Variants in BRIP1 observed in about 807,000 individuals in gnomAD.
BRIP1 encodes the protein BRCA1 interacting DNA helicase 1, also known as Fanconi anemia group J protein.
Under a neutral mutation model 119.7 loss-of-function variants are expected in BRIP1, and 88 were observed. The ratio of observed to expected loss-of-function variants is 0.74; its 90% CI spans 0.62 to 0.88. BRIP1 has a LOEUF of 0.88. Ranked by LOEUF, BRIP1 falls within the 40% of genes least tolerant of loss-of-function variation. The probability of loss-of-function intolerance (pLI) is 0.00; values close to 1 mark genes in which losing one functional copy is unlikely to be tolerated. For synonymous variants in BRIP1, 443 were observed against 496.5 expected, an observed-to-expected ratio of 0.89 and a Z score of 1.43; for missense variants, 1,259 against 1,455.4, an observed-to-expected ratio of 0.87 and a Z score of 2.20.
At chr17:61,737,098 G>A (rs2076929002) in intron 16 of BRIP1, among the ~76,000 whole-genome samples, 1 of 151,918 alleles carries the variant, frequency 6.6e-6, no homozygotes, top group Admixed American at 6.6e-5. Flanking sequence ...AAGGAAAGAA[G>A]GGAATCAAAA....
At chr17:61,718,437 T>G (rs775734928) in intron 16 of BRIP1, among the ~76,000 whole-genome samples, 1 of 152,216 alleles carries the variant, frequency 6.6e-6, no homozygotes, top group Non-Finnish European at 1.5e-5. Context: ...TTCCCAGACT[T>G]TGTAAGCACT....
At position 61,683,446 on chromosome 17, in the gene BRIP1, A is replaced by T. The variant is rs1441586932; in HGVS notation, c.3600T>A (p.His1200Gln). ...CIDTKLNGIL[H>Q]IEESKIDDID... ...TGTCATCAATTTTACTTTCTTCAAT[A>T]TGCAGAATTCCATTCAACTTTGTAT... is the stretch of plus-strand genomic sequence containing the variant. The change falls in exon 20 of 20, where the codon CAT becomes CAA. Residue 1200 changes from histidine (H) to glutamine (Q), a missense_variant. Around this residue, in one of 3 missense-constraint regions of BRIP1, gnomAD observed 753 missense variants for 891.8 expected, o/e 0.84. Coordinates refer to ENST00000259008, the MANE Select transcript of BRIP1 (RefSeq NM_032043.3). The surrounding 1 kb of genome is among the most constrained non-coding windows in gnomAD (Gnocchi z 4.7). 6.2e-7 allele frequency: 1 copy of T among 1,613,566 alleles called. No homozygotes were observed. The highest frequency in any genetic ancestry group is 2.2e-5 in the East Asian group (1 of 44,820).
At chr17:61,733,933 C>T (rs2076884645) in intron 16 of BRIP1, among the ~76,000 whole-genome samples, 1 of 152,202 alleles carries the variant, frequency 6.6e-6, no homozygotes, top group South Asian at 2.1e-4. Flanking sequence ...TCTAAACACA[C>T]CACTTCAACA....
At chr17:61,821,536 TA>T (rs1313045590) in intron 6 of BRIP1, among the ~76,000 whole-genome samples, 6 of 152,060 alleles carry the variant, frequency 3.9e-5, no homozygotes, top group East Asian at 1.9e-4. Flanking sequence ...TTTTTAATTT[TA>T]TTTTTTTTTA....
rs2078682076 is a variant in BRIP1, at chr17:61,843,204, G to A, written c.627+3897C>T. 2.0e-5 allele frequency among the ~76,000 whole-genome samples: 3 copies of A among 152,152 alleles called. No homozygotes were observed. Among genetic ancestry groups the A allele is most frequent in the Non-Finnish European group, 4.4e-5 (3 of 68,036 alleles). ...AGAAATCAGAACAATGGTTACTGGGGCAGGGAGGTGGGGGATTTGAGGAGA... is the reference window on the plus strand; with the variant it reads ...AGAAATCAGAACAATGGTTACTGGGACAGGGAGGTGGGGGATTTGAGGAGA... On this transcript the variant is annotated intron_variant, in intron 6 of 19. Coordinates refer to ENST00000259008, the MANE Select transcript of BRIP1 (RefSeq NM_032043.3). This position sits in a 1 kb window ranked among gnomAD's most constrained non-coding sequence, Gnocchi z 5.7.
chr17:61,834,763 G>A lies in BRIP1; in HGVS notation c.627+12338C>T, dbSNP rs553872334. Among the ~76,000 whole-genome samples, 132 of 152,290 alleles carry A rather than the reference G, an allele frequency of 8.7e-4. No individual in the cohort carries two copies. Among genetic ancestry groups the A allele is most frequent in the African/African-American group, 2.9e-3 (122 of 41,562 alleles). ...AGAATTAGCCTGCTAGATGATGAGA[G>A]AGACCCACCTCATGGTCCCAGCTGA... is the stretch of plus-strand genomic sequence containing the variant. On this transcript the variant is annotated intron_variant, in intron 6 of 19. Transcript: ENST00000259008. This position sits in a 1 kb window ranked among gnomAD's most constrained non-coding sequence, Gnocchi z 4.4.
chr17:61,786,997 A>G (rs1252992531), intron 10 of BRIP1, among the ~76,000 whole-genome samples: 1 of 115,326 alleles, frequency 8.7e-6, no homozygotes, highest in Non-Finnish European at 1.6e-5. Context: ...TAAATTTATA[A>G]ATAATTTTAT....
rs1257693448 is a variant in BRIP1 at position 61,808,329 on chromosome 17, TTTA to T, written c.918+135_918+137del. The stretch of plus-strand genomic sequence containing the variant: ...AGATTTTATTACAGGAAAATTGTTT[TTTA>T]AAAGATATCAATACTAGCAGTTAAT... On this transcript the variant is annotated intron_variant, in intron 7 of 19. Transcript: ENST00000259008. The surrounding 1 kb of genome is among the most constrained non-coding windows in gnomAD (Gnocchi z 4.1). 1 of 884,800 alleles carries T rather than the reference TTTA, an allele frequency of 1.1e-6. No individual in the cohort carries two copies. Among genetic ancestry groups the T allele is most frequent in the Non-Finnish European group, 1.7e-6 (1 of 580,880 alleles). The allele number at this position is 884,800 out of a possible 1,614,324, so 54.8% of individuals were successfully genotyped here. A position where few individuals can be genotyped will look rare whatever the true frequency, so the allele number is the denominator to read the frequency against.
intron 14 of BRIP1, among the ~76,000 whole-genome samples, chr17:61,771,636 A>T: frequency 6.6e-6 from 1 of 152,176 alleles, no homozygotes; most frequent in East Asian, 1.9e-4. Context: ...TGCATTGACT[A>T]TAAAAAAAAC....
rs565577932 is a variant in BRIP1, at chr17:61,730,153, C to T, written c.2379+12860G>A. Reference sequence around the variant, plus strand: ...AGTATAAACTGAACTCATTCCCAAGCTTTCAAGCCTTTAATCCTAGGGAAA... The same window carrying T: ...AGTATAAACTGAACTCATTCCCAAGTTTTCAAGCCTTTAATCCTAGGGAAA... On this transcript the variant is annotated intron_variant, in intron 16 of 19. Transcript: ENST00000259008. The surrounding 1 kb of genome is among the most constrained non-coding windows in gnomAD (Gnocchi z 4.3). Among the ~76,000 whole-genome samples, 19 of 152,260 alleles carry T rather than the reference C, an allele frequency of 1.2e-4. No individual in the cohort carries two copies. The highest frequency in any genetic ancestry group is 2.2e-4 in the Non-Finnish European group (15 of 68,026).
chr17:61,808,276 C>A lies in BRIP1; in HGVS notation c.918+191G>T, dbSNP rs1256952985. ...AATTAAATATCCCAAGCTTTAAGAC[C>A]AAATCCCATACTTTAAAACTTGACT... On this transcript the variant is annotated intron_variant, in intron 7 of 19. Coordinates refer to ENST00000259008, the MANE Select transcript of BRIP1 (RefSeq NM_032043.3). The surrounding 1 kb of genome is among the most constrained non-coding windows in gnomAD (Gnocchi z 4.1). Among the ~76,000 whole-genome samples, 1 of 152,052 alleles carries A rather than the reference C, an allele frequency of 6.6e-6. No homozygotes were observed. Among genetic ancestry groups the A allele is most frequent in the Non-Finnish European group, 1.5e-5 (1 of 67,970 alleles).
chr17:61,788,517 C>T (rs1384234688), intron 10 of BRIP1, among the ~76,000 whole-genome samples: 1 of 152,120 alleles, frequency 6.6e-6, no homozygotes, highest in African/African-American at 2.4e-5. Flanking sequence ...ACAGCTGATA[C>T]AATTCCAAAG....
rs1288831623 is a variant in BRIP1 at position 61,783,690 on chromosome 17, G to A, written c.1628+580C>T. The A allele has an allele frequency of 2.6e-5, 4 of 151,986 alleles. No homozygotes were observed. The East Asian group carries it at 7.7e-4, about 29-fold the overall frequency. 9.4% of individuals were successfully genotyped at this position (151,986 alleles called of 1,614,324 possible). ...AATAAAAAAGGGACTTTCTGACACT[G>A]TAGGAACATAAGAAAACTTTAGCAA... On this transcript the variant is annotated intron_variant, in intron 11 of 19. Coordinates refer to ENST00000259008, the MANE Select transcript of BRIP1 (RefSeq NM_032043.3).
rs2078074274 is a variant in BRIP1, at chr17:61,806,431, C to A, written c.918+2036G>T. Among the ~76,000 whole-genome samples the A allele has an allele frequency of 6.6e-6, 1 of 152,100 alleles. No homozygotes were observed. The highest frequency in any genetic ancestry group is 1.5e-5 in the Non-Finnish European group (1 of 68,022). ...GTCAAGACAAACCACAAGCAGATAT[C>A]TTCAATTATTCATATTACTAATATT... On this transcript the variant is annotated intron_variant, in intron 7 of 19. Transcript: ENST00000259008. The surrounding 1 kb of genome is among the most constrained non-coding windows in gnomAD (Gnocchi z 4.9).
intron 16 of BRIP1, among the ~76,000 whole-genome samples, chr17:61,727,466 C>T (rs1248956788): frequency 6.6e-6 from 1 of 152,056 alleles, no homozygotes; most frequent in African/African-American, 2.4e-5. Context: ...TTTATTATTA[C>T]ATCCAAATTA....
rs1012389232 is a variant in BRIP1, at chr17:61,729,575, A to G, written c.2379+13438T>C. On this transcript the variant is annotated intron_variant, in intron 16 of 19. Transcript: ENST00000259008. The surrounding 1 kb of genome is among the most constrained non-coding windows in gnomAD (Gnocchi z 5.6). ...GAAGTGAAAGTCACTGCCTGTCAGAAGCAGGGGCTAGAAGTGGGGTGCAGG... is the reference window on the plus strand; with the variant it reads ...GAAGTGAAAGTCACTGCCTGTCAGAGGCAGGGGCTAGAAGTGGGGTGCAGG... 6.6e-6 allele frequency among the ~76,000 whole-genome samples: 1 copy of G among 152,174 alleles called. No homozygotes were observed. The highest frequency in any genetic ancestry group is 2.4e-5 in the African/African-American group (1 of 41,438).
intron 16 of BRIP1, among the ~76,000 whole-genome samples, chr17:61,737,557 T>A (rs2076934927): frequency 6.6e-6 from 1 of 152,164 alleles, no homozygotes; most frequent in Non-Finnish European, 1.5e-5. Flanking sequence ...TGCATTAGAA[T>A]TTTAAACTTA....
In BRIP1 at chr17:61,780,121, TTC is replaced by T; in HGVS notation, c.1935+138_1935+139del. 2 of 904,828 alleles carry T rather than the reference TTC, an allele frequency of 2.2e-6. No homozygotes were observed. Among genetic ancestry groups the T allele is most frequent in the Non-Finnish European group, 3.4e-6 (2 of 580,870 alleles). 56.0% of individuals were successfully genotyped at this position (904,828 alleles called of 1,614,324 possible). A position where few individuals can be genotyped will look rare whatever the true frequency, so the allele number is the denominator to read the frequency against. Reference sequence around the variant, plus strand: ...CACATCATTAAGTAGCTGACAGATTTTCTTTTATTGTAAAACTGGAATGTTGA... The same window carrying T: ...CACATCATTAAGTAGCTGACAGATTTTTTTATTGTAAAACTGGAATGTTGA... On this transcript the variant is annotated intron_variant, in intron 13 of 19. Transcript: ENST00000259008. This position sits in a 1 kb window ranked among gnomAD's most constrained non-coding sequence, Gnocchi z 5.4.
chr17:61,812,355 C>T (rs1016157996), intron 6 of BRIP1, among the ~76,000 whole-genome samples: 10 of 151,996 alleles, frequency 6.6e-5, no homozygotes, highest in Non-Finnish European at 1.5e-4. Flanking sequence ...ATTTCCTTTT[C>T]TCCAGGAAAC....
Sources: allele counts gnomAD v4.1 joint callset (sites outside exome capture counted in the v4.1 genomes callset), GRCh38; gene constraint gnomAD v4.1.1; regional missense constraint gnomAD v4.1.1; non-coding constraint Gnocchi (gnomAD v3.1); transcripts MANE v1.5; gene names NCBI Gene and HGNC (gene_info 2026-07-23, HGNC 2026-07-21).